EPB41L3: variants seen among roughly 807,000 people sequenced by gnomAD.
EPB41L3 encodes the protein erythrocyte membrane protein band 4.1 like 3.
Under a neutral mutation model 127.1 loss-of-function variants are expected in EPB41L3, and 57 were observed. That is an observed-to-expected ratio of 0.45 (90% CI 0.36 to 0.56). EPB41L3 has a LOEUF of 0.56. Among genes scored for constraint, EPB41L3 ranks in the 20% least tolerant of loss-of-function variants. EPB41L3 has a pLI of 0.00. For missense variants in EPB41L3, 1,273 were observed against 1,372.2 expected, an observed-to-expected ratio of 0.93 and a Z score of 1.14; for synonymous variants, 572 against 549.5, an observed-to-expected ratio of 1.04 and a Z score of -0.57.
intron 16 of EPB41L3, chr18:5,401,045 T>G: frequency 6.5e-7 from 1 of 1,531,796 alleles, no homozygotes; most frequent in South Asian, 1.2e-5. Context: ...TTCTTTGGTC[T>G]GTTTGAATAA....
At chr18:5,509,003 C>T (rs569516683) in intron 1 of EPB41L3, among the ~76,000 whole-genome samples, 113 of 152,296 alleles carry the variant, frequency 7.4e-4, no homozygotes, top group Non-Finnish European at 1.4e-3. Flanking sequence ...AAGACCAACG[C>T]AGCAGAGGCC....
chr18:5,396,361 C>A, intron 18 of EPB41L3, 29 bp from the exon 19 acceptor site: 1 of 1,613,764 alleles, frequency 6.2e-7, no homozygotes, highest in Non-Finnish European at 8.5e-7. Context: ...AGCAGAGTGG[C>A]TGTTATAGTT....
intron 3 of EPB41L3, among the ~76,000 whole-genome samples, chr18:5,452,485 C>T (rs2082414173): frequency 6.6e-6 from 1 of 151,966 alleles, no homozygotes; most frequent in African/African-American, 2.4e-5. Context: ...ATCCTCCCAC[C>T]CCAGTCTCCC....
intron 1 of EPB41L3, among the ~76,000 whole-genome samples, chr18:5,514,311 T>C (rs981141846): frequency 1.4e-4 from 21 of 152,228 alleles, no homozygotes; most frequent in Non-Finnish European, 2.6e-4. Flanking sequence ...TATATGTTTT[T>C]ATATGTGATG....
intron 14 of EPB41L3, 21 bp downstream of exon 14, chr18:5,410,545 A>C (rs1473204375): frequency 6.2e-7 from 1 of 1,607,322 alleles, no homozygotes; most frequent in Admixed American, 1.7e-5. Flanking sequence ...ACTACCAGCC[A>C]CTCTCAGCCA....
At chr18:5,486,827 T>C (rs2089835085) in intron 2 of EPB41L3, among the ~76,000 whole-genome samples, 1 of 152,066 alleles carries the variant, frequency 6.6e-6, no homozygotes, top group Non-Finnish European at 1.5e-5. Flanking sequence ...CAGGCAGTAA[T>C]AGATGCTGGC....
At chr18:5,526,830 G>A (rs111984950) in intron 1 of EPB41L3, among the ~76,000 whole-genome samples, 2,384 of 152,156 alleles carry the variant, frequency 0.016, 50 homozygotes, top group African/African-American at 0.054. Flanking sequence ...TATCATTCGT[G>A]TTTCTTTAAT....
intron 3 of EPB41L3, among the ~76,000 whole-genome samples, chr18:5,451,567 G>A (rs1274928375): frequency 2.6e-5 from 4 of 152,238 alleles, no homozygotes; most frequent in South Asian, 2.1e-4. Context: ...ATCCCTGACC[G>A]TAAAGACATT....
intron 3 of EPB41L3, among the ~76,000 whole-genome samples, chr18:5,458,033 T>A (rs2083390073): frequency 6.6e-6 from 1 of 152,146 alleles, no homozygotes; most frequent in Non-Finnish European, 1.5e-5. Context: ...CAGAAACATT[T>A]TTTTAAAAAT....
intron 3 of EPB41L3, among the ~76,000 whole-genome samples, chr18:5,598,495 A>G (rs940750740): frequency 1.3e-5 from 2 of 152,202 alleles, no homozygotes; most frequent in Non-Finnish European, 2.9e-5. Flanking sequence ...TTAAAATATT[A>G]TTAGTTTTCA....
chr18:5,535,989 G>C (rs1413538262), intron 1 of EPB41L3, among the ~76,000 whole-genome samples: 1 of 152,088 alleles, frequency 6.6e-6, no homozygotes, highest in Non-Finnish European at 1.5e-5. Flanking sequence ...TTTGATTCTG[G>C]AGAGTCTAGT....
At position 5,489,111 on chromosome 18, in the gene EPB41L3, C is replaced by T. The variant is rs376398436; in HGVS notation, c.73G>A (p.Ala25Thr). The T allele has an allele frequency of 3.1e-6, 5 of 1,594,506 alleles. No individual in the cohort carries two copies. In the African/African-American group the frequency reaches 4.1e-5, roughly 13 times the overall value. ...QEAEPQEAAG[A>T]QGRAGAPVPE... The stretch of plus-strand genomic sequence containing the variant: ...ACGGGCGCCCCCGCGCGCCCCTGCG[C>T]CCCCGCCGCCTCCTGGGGCTCGGCC... The change falls in exon 2 of 23, where the codon GCG (alanine) becomes ACG (threonine). Residue 25 changes from alanine (A) to threonine (T), a missense_variant. This residue lies in a region of EPB41L3 where 182 missense variants were observed against 149.2 expected (regional missense o/e 1.22). Transcript: ENST00000341928.
At chr18:5,440,265 G>C (rs953101807) in intron 5 of EPB41L3, among the ~76,000 whole-genome samples, 1 of 152,060 alleles carries the variant, frequency 6.6e-6, no homozygotes, top group Non-Finnish European at 1.5e-5. Context: ...CTTCCCTAAG[G>C]TTATAACACA....
At chr18:5,407,342 G>T (rs1356751879) in intron 15 of EPB41L3, 3 of 401,154 alleles carry the variant, frequency 7.5e-6, no homozygotes, top group Non-Finnish European at 1.3e-5. Context: ...TAATGGATGA[G>T]CACACAGTTC....
At chr18:5,467,331 A>C (rs1599342768) in intron 3 of EPB41L3, 2 of 152,196 alleles carry the variant, frequency 1.3e-5, no homozygotes, top group East Asian at 3.9e-4. Context: ...GAGCTTTAGC[A>C]GTCATTTTTA....
At chr18:5,534,768 C>A (rs1469590193) in intron 1 of EPB41L3, among the ~76,000 whole-genome samples, 3 of 152,172 alleles carry the variant, frequency 2.0e-5, no homozygotes, top group Admixed American at 2.0e-4. Context: ...TGTGTATACT[C>A]TCATTAGACT....
chr18:5,466,308 A>C (rs2084970607), intron 3 of EPB41L3: 1 of 152,186 alleles, frequency 6.6e-6, no homozygotes, highest in Admixed American at 6.5e-5. Flanking sequence ...ACCTCTCTCC[A>C]CATGCCAATC....
intron 9 of EPB41L3, among the ~76,000 whole-genome samples, chr18:5,425,644 C>T (rs552955455): frequency 6.6e-6 from 1 of 152,178 alleles, no homozygotes; most frequent in East Asian, 1.9e-4. Context: ...TGTTTTATAT[C>T]AATTTCTTTC....
At chr18:5,540,823 G>A (rs1255557010) in intron 1 of EPB41L3, among the ~76,000 whole-genome samples, 1 of 152,096 alleles carries the variant, frequency 6.6e-6, no homozygotes, top group Non-Finnish European at 1.5e-5. Context: ...GGTGGCTCAC[G>A]CCTGTAATCC....
Sources: gnomAD v4.1 joint callset for allele counts (sites outside exome capture counted in the v4.1 genomes callset) on GRCh38, gnomAD v4.1.1 for gene constraint, gnomAD v4.1.1 regional missense constraint, MANE v1.5 for transcripts, NCBI Gene and HGNC (gene_info 2026-07-23, HGNC 2026-07-21) for gene names.